CANX: variants seen among roughly 807,000 people sequenced by gnomAD.
CANX encodes the protein epididymis secretory sperm binding protein.
Under a neutral mutation model 75.7 loss-of-function variants are expected in CANX, and 14 were observed. The observed-to-expected ratio is 0.19, with a 90% confidence interval of 0.12 to 0.29. The LOEUF is 0.29. CANX is among the 10% of genes least tolerant of loss of function. CANX has a pLI of 1.00. For missense variants in CANX, 567 were observed against 713.2 expected (o/e 0.79, Z 2.34); for synonymous variants, 227 against 236.9 (o/e 0.96, Z 0.38).
chr5:179,712,604 T>A (rs927522863), intron 7 of CANX, among the ~76,000 whole-genome samples: 1 of 149,760 alleles, frequency 6.7e-6, no homozygotes, highest in African/African-American at 2.5e-5. Context: ...TTTTTTTTTT[T>A]AGTAGAGATG....
rs757104413 is a variant in CANX, at chr5:179,686,102, C to CTTTTTTT, written c.-4+7333_-4+7339dup. Among the ~76,000 whole-genome samples the CTTTTTTT allele has an allele frequency of 2.3e-5, 3 of 128,622 alleles. 1 individual carries two copies. Among genetic ancestry groups the CTTTTTTT allele is most frequent in the African/African-American group, 5.7e-5 (2 of 35,180 alleles). The allele number at this position is 128,622 out of a possible 152,430, so 84.4% of individuals were successfully genotyped here. A position where few individuals can be genotyped will look rare whatever the true frequency, so the allele number is the denominator to read the frequency against. On this transcript the variant is annotated intron_variant, in intron 1 of 14. Coordinates refer to the CANX transcript ENST00000681674. ...ATTTTGATGAAGTGGTTGTTCAAGT[C>CTTTTTTT]TTTTTTTTTTTTTTGAGACGGAGTC...
At chr5:179,712,585 ATTTTTTTTTT>A (rs755031455) in intron 7 of CANX, among the ~76,000 whole-genome samples, 1 of 133,328 alleles carries the variant, frequency 7.5e-6, no homozygotes, top group African/African-American at 2.8e-5. Flanking sequence ...CGCCTGGCTA[ATTTTTTTTTT>A]TTTTTTTTTA....
chr5:179,705,216 C>T (rs750635788), intron 1 of CANX, among the ~76,000 whole-genome samples: 2 of 152,192 alleles, frequency 1.3e-5, no homozygotes, highest in African/African-American at 2.4e-5. Context: ...AACTCCTGAC[C>T]TAGTGAGCCA....
chr5:179,707,657 T>TA lies in CANX; in HGVS notation c.304+467_304+468insA, dbSNP rs1292455582. Among the ~76,000 whole-genome samples the TA allele has an allele frequency of 3.6e-4, 46 of 128,462 alleles. 1 individual carries two copies. Among genetic ancestry groups the TA allele is most frequent in the Non-Finnish European group, 5.9e-4 (34 of 58,024 alleles). The allele number at this position is 128,462 out of a possible 152,430, so 84.3% of individuals were successfully genotyped here. On this transcript the variant is annotated intron_variant, in intron 4 of 14. Transcript: ENST00000247461. ...TGTGTGTTGCCTAATTTTTTTTTTT[T>TA]TTTTTTTTTTATTTAAGGTTCAGGG...
upstream of CANX, chr5:179,698,461 C>T: frequency 1.4e-5 from 18 of 1,289,018 alleles, no homozygotes; most frequent in Non-Finnish European, 1.8e-5. Flanking sequence ...GTTCTGCTCA[C>T]GCCCGTAGGG....
chr5:179,683,558 G>A (rs532242299), intron 1 of CANX, among the ~76,000 whole-genome samples: 2 of 151,570 alleles, frequency 1.3e-5, no homozygotes, highest in South Asian at 2.1e-4. Flanking sequence ...TTTTTGAGAG[G>A]AGTCTCACTT....
intron 1 of CANX, among the ~76,000 whole-genome samples, chr5:179,701,826 G>A (rs1384474232): frequency 5.0e-5 from 6 of 119,048 alleles, no homozygotes; most frequent in African/African-American, 1.9e-4. Context: ...TGCAACCTCC[G>A]CCTCCTGGGT....
intron 11 of CANX, chr5:179,723,401 G>A: frequency 2.2e-6 from 1 of 448,642 alleles, no homozygotes; most frequent in Admixed American, 4.0e-5. Context: ...GAAATTCACT[G>A]GATCCTGAGG....
At chr5:179,696,029 C>T (rs1776394314), upstream of CANX, among the ~76,000 whole-genome samples, 1 of 152,050 alleles carries the variant, frequency 6.6e-6, no homozygotes, top group African/African-American at 2.4e-5. Context: ...AGACAATCCT[C>T]CCACCTCGGC....
chr5:179,715,470 G>A (rs181340182), intron 7 of CANX, among the ~76,000 whole-genome samples: 4 of 151,338 alleles, frequency 2.6e-5, no homozygotes, highest in East Asian at 1.9e-4. Context: ...CCTGGGAGGC[G>A]GGCGTTGCAG....
intron 11 of CANX, chr5:179,723,452 G>A: frequency 2.0e-6 from 1 of 497,558 alleles, no homozygotes; most frequent in Non-Finnish European, 3.5e-6. Flanking sequence ...GCCAGCTTTT[G>A]CACCTATGAG....
intron 1 of CANX, among the ~76,000 whole-genome samples, chr5:179,693,079 G>T (rs1776326865): frequency 6.8e-6 from 1 of 148,026 alleles, no homozygotes; most frequent in Admixed American, 6.9e-5. Context: ...TCGGAGGGTG[G>T]TGGTTGCAGT....
chr5:179,719,564 T>C, intron 8 of CANX, 104 bp from the exon 9 acceptor site: 2 of 537,032 alleles, frequency 3.7e-6, no homozygotes, highest in Non-Finnish European at 6.7e-6. Context: ...TTTTAAATTT[T>C]GAGATTAAAA....
chr5:179,706,210 A>T, intron 2 of CANX, 48 bp from the exon 3 acceptor site: 2 of 1,026,708 alleles, frequency 1.9e-6, no homozygotes, highest in East Asian at 2.4e-5. Context: ...ATAAAAAGGC[A>T]TGTTGCTGAA....
intron 1 of CANX, among the ~76,000 whole-genome samples, chr5:179,691,835 TG>T (rs1288614642): frequency 1.3e-5 from 2 of 152,188 alleles, no homozygotes; most frequent in African/African-American, 2.4e-5. Context: ...TGGAGTGCAG[TG>T]GCACGAACTC....
chr5:179,731,309 C>CT lies in CANX; in HGVS notation c.*2667dup, dbSNP rs1778978763. Among the ~76,000 whole-genome samples the CT allele has an allele frequency of 6.6e-6, 1 of 152,156 alleles. No individual in the cohort carries two copies. The highest frequency in any genetic ancestry group is 2.1e-4 in the South Asian group (1 of 4,832). ...ATCAGACTCCATTATTTTACATATA[C>CT]TTAAATACTTTAGGGGTATTTTTGA... On this transcript the variant is annotated 3_prime_UTR_variant, in exon 15 of 15. Transcript: ENST00000247461.
intron 1 of CANX, among the ~76,000 whole-genome samples, chr5:179,690,165 A>G (rs1007463471): frequency 6.6e-6 from 1 of 152,214 alleles, no homozygotes. Flanking sequence ...CCCCAAACCA[A>G]GGAAGCTAAA....
intron 8 of CANX, among the ~76,000 whole-genome samples, chr5:179,719,379 A>G (rs1251095990): frequency 1.3e-5 from 2 of 152,068 alleles, no homozygotes; most frequent in Non-Finnish European, 2.9e-5. Flanking sequence ...TCGTGTGCTT[A>G]TTGTATGTTC....
At chr5:179,726,827 T>A in intron 14 of CANX, 68 bp downstream of exon 14, 1 of 1,204,186 alleles carries the variant, frequency 8.3e-7, no homozygotes, top group Non-Finnish European at 1.2e-6. Context: ...GGGAATATTT[T>A]AATAGGGTAG....
Sources: allele counts gnomAD v4.1 joint callset (sites outside exome capture counted in the v4.1 genomes callset), GRCh38; gene constraint gnomAD v4.1.1; transcripts MANE v1.5; gene names NCBI Gene and HGNC (gene_info 2026-07-23, HGNC 2026-07-21).